Variants in NEDD4 observed in about 807,000 individuals in gnomAD.
NEDD4 encodes NEDD4 E3 ubiquitin protein ligase, also known as E3 ubiquitin-protein ligase NEDD4.
Under a neutral mutation model 144.9 loss-of-function variants are expected in NEDD4, and 99 were observed. The ratio of observed to expected loss-of-function variants is 0.68; its 90% CI spans 0.58 to 0.81. The LOEUF (loss-of-function observed/expected upper bound fraction) is 0.81, where lower values mean the gene tolerates loss of function less well. Among genes scored for constraint, NEDD4 ranks in the 30% least tolerant of loss-of-function variants. NEDD4 has a pLI of 0.00. For missense variants in NEDD4, 985 were observed against 1,065.9 expected, an observed-to-expected ratio of 0.92 and a Z score of 1.06; for synonymous variants, 318 against 350.6, an observed-to-expected ratio of 0.91 and a Z score of 1.04.
At chr15:55,915,915 A>G in intron 5 of NEDD4, 1 of 1,613,992 alleles carries the variant, frequency 6.2e-7, no homozygotes, top group Non-Finnish European at 8.5e-7. Context: ...ATTATGTGCA[A>G]TTTCACTAGG....
At chr15:55,923,808 G>A (rs1254247001) in intron 5 of NEDD4, among the ~76,000 whole-genome samples, 2 of 151,232 alleles carry the variant, frequency 1.3e-5, no homozygotes, top group African/African-American at 4.9e-5. Context: ...AAACATGAAT[G>A]TAGTTTAACA....
rs1267151641 is a variant in NEDD4, at chr15:55,840,439, A to T, written c.2031+8T>A. On this transcript the variant is annotated splice_region_variant and intron_variant, in intron 21 of 28. Transcript: ENST00000435532. ...ACTTCGTCTATACTATAAGTGAAAAAGACATACCACAGATTCCATATCATG... is the reference window on the plus strand; with the variant it reads ...ACTTCGTCTATACTATAAGTGAAAATGACATACCACAGATTCCATATCATG... The T allele has an allele frequency of 6.2e-7, 1 of 1,610,060 alleles. No homozygotes were observed. The highest frequency in any genetic ancestry group is 1.7e-5 in the Admixed American group (1 of 59,526).
At chr15:55,984,687 C>G (rs1006724904) in intron 1 of NEDD4, among the ~76,000 whole-genome samples, 1 of 152,184 alleles carries the variant, frequency 6.6e-6, no homozygotes, top group Non-Finnish European at 1.5e-5. Flanking sequence ...TTCAGAAAAG[C>G]CTTATCAAAA....
At chr15:55,839,751 G>A (rs945514899) in intron 21 of NEDD4, among the ~76,000 whole-genome samples, 7 of 151,696 alleles carry the variant, frequency 4.6e-5, no homozygotes, top group Non-Finnish European at 1.0e-4. Flanking sequence ...GCTGAGGCAG[G>A]CGGATAACGA....
At chr15:55,978,548 G>A (rs1359056026) in intron 1 of NEDD4, among the ~76,000 whole-genome samples, 1 of 152,094 alleles carries the variant, frequency 6.6e-6, no homozygotes, top group Non-Finnish European at 1.5e-5. Flanking sequence ...TTCTGATCCT[G>A]AGCACTATTA....
chr15:55,934,067 A>G (rs2036835520), intron 4 of NEDD4, among the ~76,000 whole-genome samples: 1 of 152,120 alleles, frequency 6.6e-6, no homozygotes, highest in African/African-American at 2.4e-5. Context: ...ACAGGAGAAC[A>G]GCTTGAACCC....
intron 28 of NEDD4, 73 bp from the exon 29 acceptor site, chr15:55,830,072 G>T: frequency 9.9e-7 from 1 of 1,013,168 alleles, no homozygotes; most frequent in Non-Finnish European, 1.5e-6. Context: ...ACAGAGCAAT[G>T]CTGCTATTCT....
intron 1 of NEDD4, among the ~76,000 whole-genome samples, chr15:55,977,748 T>A (rs887401690): frequency 2.6e-5 from 4 of 151,226 alleles, no homozygotes; most frequent in African/African-American, 4.9e-5. Context: ...TTTTTTTTTT[T>A]AATTTAAAAA....
At chr15:55,905,703 C>T (rs534451859) in intron 5 of NEDD4, among the ~76,000 whole-genome samples, 1 of 152,158 alleles carries the variant, frequency 6.6e-6, no homozygotes, top group Non-Finnish European at 1.5e-5. Flanking sequence ...TTATATCCTT[C>T]GCCCACTTGT....
rs535642216 is a variant in NEDD4, at chr15:55,836,551, A to G, written c.2262+1238T>C. ...CAGGCTAATTTTTTTTTTGAGACGG[A>G]GTCTCGCTCTGTTGCCCAGGATGGA... On this transcript the variant is annotated intron_variant, in intron 24 of 28. Transcript: ENST00000435532. Among the ~76,000 whole-genome samples, 12 of 151,668 alleles carry G rather than the reference A, an allele frequency of 7.9e-5. No individual in the cohort carries two copies. In the East Asian group the frequency reaches 2.2e-3, roughly 27 times the overall value.
chr15:55,940,425 T>A (rs921605519), intron 4 of NEDD4, among the ~76,000 whole-genome samples: 2 of 152,076 alleles, frequency 1.3e-5, no homozygotes, highest in Admixed American at 1.3e-4. Context: ...CAGTTAAAAT[T>A]TTGTTTAAAT....
intron 4 of NEDD4, among the ~76,000 whole-genome samples, chr15:55,931,262 G>A (rs1239504222): frequency 1.3e-5 from 2 of 152,144 alleles, no homozygotes; most frequent in Non-Finnish European, 2.9e-5. Flanking sequence ...GCATGCATGA[G>A]CTTTTTAATA....
intron 5 of NEDD4, among the ~76,000 whole-genome samples, chr15:55,900,681 T>C (rs1191402600): frequency 5.3e-5 from 8 of 152,156 alleles, no homozygotes; most frequent in African/African-American, 1.9e-4. Context: ...TTGAGTTGCT[T>C]ATATGAATCA....
rs754905603 is a variant in NEDD4, at chr15:55,963,128, C to CTTTTTTTTTTTTTTTTT, written c.119+3344_119+3345insAAAAAAAAAAAAAAAAA. 1.4e-5 allele frequency among the ~76,000 whole-genome samples: 2 copies of CTTTTTTTTTTTTTTTTT among 142,656 alleles called. 1 individual carries two copies. The allele number at this position is 142,656 out of a possible 152,430, so 93.6% of individuals were successfully genotyped here. A position where few individuals can be genotyped will look rare whatever the true frequency, so the allele number is the denominator to read the frequency against. On this transcript the variant is annotated intron_variant, in intron 2 of 28. Coordinates refer to ENST00000435532, the MANE Select transcript of NEDD4 (RefSeq NM_006154.4). ...CATTTGCTTCTCCTTTTCTGGCACT[C>CTTTTTTTTTTTTTTTTT]TTTTTTATTTTTTTTTTTTTTGAGA... is the stretch of plus-strand genomic sequence containing the variant.
rs2034462752 is a variant in NEDD4 at position 55,863,019 on chromosome 15, G to C, written c.568C>G (p.Pro190Ala). The C allele has an allele frequency of 6.2e-7, 1 of 1,604,758 alleles. No homozygotes were observed. Among genetic ancestry groups the C allele is most frequent in the East Asian group, 2.2e-5 (1 of 44,700 alleles). ...TCCCACCCTGGAGGTAGAGGAGAAGGTTCTTGTTGTTGCTGCAAATGGCAA... is the reference window on the plus strand; with the variant it reads ...TCCCACCCTGGAGGTAGAGGAGAAGCTTCTTGTTGTTGCTGCAAATGGCAA... ...AACHLQQQQE[P>A]SPLPPGWEER... Residue 190 changes from proline to alanine, a missense_variant, in exon 9 of 29, where the codon CCT becomes GCT. By Grantham distance (27) the Pro-to-Ala change is conservative. Transcript: ENST00000435532.
At chr15:55,935,002 G>A (rs1287496475) in intron 4 of NEDD4, among the ~76,000 whole-genome samples, 6 of 150,510 alleles carry the variant, frequency 4.0e-5, no homozygotes, top group African/African-American at 1.2e-4. Context: ...CCAAGTAGCT[G>A]TAATTAGAGG....
At chr15:55,874,859 A>G (rs2142072624) in intron 5 of NEDD4, among the ~76,000 whole-genome samples, 1 of 152,236 alleles carries the variant, frequency 6.6e-6, no homozygotes, top group Middle Eastern at 3.4e-3. Context: ...CTGTAATCCC[A>G]GCTACTTGGG....
rs574492570 is a variant in NEDD4, at chr15:55,845,775, A to C, written c.1608+1194T>G. ...AAATTTCCAGGGAAATTTCGACACA[A>C]AGTTATTCTTTTTTTCTTTTTTCTT... On this transcript the variant is annotated intron_variant, in intron 18 of 28. Transcript: ENST00000435532. 6.5e-4 allele frequency among the ~76,000 whole-genome samples: 97 copies of C among 149,172 alleles called. 3 individuals are homozygous for C. The South Asian group carries it at 0.021, about 32-fold the overall frequency.
At chr15:55,988,483 A>G (rs2037932938) in intron 1 of NEDD4, among the ~76,000 whole-genome samples, 1 of 97,110 alleles carries the variant, frequency 1.0e-5, no homozygotes, top group African/African-American at 3.4e-5. Context: ...ATAAAAAAAA[A>G]AATTAAAAAA....
Sources: gnomAD v4.1 joint callset for allele counts (sites outside exome capture counted in the v4.1 genomes callset) on GRCh38, gnomAD v4.1.1 for gene constraint, MANE v1.5 for transcripts, NCBI Gene and HGNC (gene_info 2026-07-23, HGNC 2026-07-21) for gene names.